Variants in NAALADL2 observed in about 807,000 individuals in gnomAD.
NAALADL2 encodes N-acetylated alpha-linked acidic dipeptidase like 2.
A neutral mutation model predicts 87.2 loss-of-function variants in NAALADL2; 76 were observed. That is an observed-to-expected ratio of 0.87 (90% CI 0.72 to 1.05). NAALADL2 has a LOEUF of 1.05. Ranked by LOEUF, NAALADL2 falls within the 50% of genes least tolerant of loss-of-function variation. The probability of loss-of-function intolerance (pLI) is 0.00; values close to 1 mark genes in which losing one functional copy is unlikely to be tolerated. For synonymous variants in NAALADL2, 354 were observed against 331.0 expected, an observed-to-expected ratio of 1.07 and a Z score of -0.75; for missense variants, 1,089 against 945.8, an observed-to-expected ratio of 1.15 and a Z score of -1.99.
At chr3:175,631,782 G>A (rs1264998019) in intron 11 of NAALADL2, among the ~76,000 whole-genome samples, 1 of 151,722 alleles carries the variant, frequency 6.6e-6, no homozygotes, top group Non-Finnish European at 1.5e-5. Context: ...ATTAAAAATG[G>A]CCATGTATTC....
intron 4 of NAALADL2, among the ~76,000 whole-genome samples, chr3:175,323,584 G>C (rs1176217606): frequency 6.6e-6 from 1 of 151,526 alleles, no homozygotes; most frequent in African/African-American, 2.4e-5. Flanking sequence ...CAGAGAGTGA[G>C]GAATTCCATG....
At chr3:175,242,064 G>C (rs112090550) in intron 3 of NAALADL2, among the ~76,000 whole-genome samples, 1,946 of 151,680 alleles carry the variant, frequency 0.013, 39 homozygotes, top group African/African-American at 0.046. Context: ...GTTTCACCAT[G>C]TTGGCCAGGC....
intron 2 of NAALADL2, among the ~76,000 whole-genome samples, chr3:174,674,339 T>A (rs1377187303): frequency 6.6e-6 from 1 of 151,990 alleles, no homozygotes; most frequent in Non-Finnish European, 1.5e-5. Flanking sequence ...CAACTTGAGA[T>A]TTAGTGGGGA....
At chr3:175,260,078 A>G (rs1750755171) in intron 4 of NAALADL2, among the ~76,000 whole-genome samples, 1 of 152,188 alleles carries the variant, frequency 6.6e-6, no homozygotes, top group Non-Finnish European at 1.5e-5. Flanking sequence ...AATCTTCACC[A>G]GTATATGATG....
chr3:175,325,518 A>G (rs1760600577), intron 5 of NAALADL2, among the ~76,000 whole-genome samples: 1 of 152,126 alleles, frequency 6.6e-6, no homozygotes, highest in African/African-American at 2.4e-5. Flanking sequence ...AAATACACTC[A>G]CTGTCCTGCA....
chr3:175,588,608 G>A (rs1052486791), intron 10 of NAALADL2, among the ~76,000 whole-genome samples: 17 of 134,784 alleles, frequency 1.3e-4, no homozygotes, highest in African/African-American at 3.1e-4. Context: ...GCACGATCTC[G>A]GCTCACTGCA....
intron 5 of NAALADL2, among the ~76,000 whole-genome samples, chr3:175,377,567 A>T (rs1009641351): frequency 6.6e-6 from 1 of 152,184 alleles, no homozygotes; most frequent in Non-Finnish European, 1.5e-5. Flanking sequence ...TTCTAGGCAG[A>T]CAGGGGCCAG....
chr3:175,211,665 C>G (rs1206986649), intron 2 of NAALADL2, among the ~76,000 whole-genome samples: 4 of 151,792 alleles, frequency 2.6e-5, no homozygotes, highest in African/African-American at 9.7e-5. Context: ...GATGTATTCC[C>G]TCATGCTTTC....
intron 4 of NAALADL2, among the ~76,000 whole-genome samples, chr3:175,317,473 C>A (rs1206608911): frequency 6.6e-6 from 1 of 151,842 alleles, no homozygotes; most frequent in Non-Finnish European, 1.5e-5. Flanking sequence ...GCTATTCTTT[C>A]CCAGTTAATT....
At chr3:174,811,735 G>T (rs1385838915) in intron 3 of NAALADL2, among the ~76,000 whole-genome samples, 1 of 152,130 alleles carries the variant, frequency 6.6e-6, no homozygotes, top group Non-Finnish European at 1.5e-5. Context: ...ATGTGAGAAG[G>T]ACATGAGATT....
chr3:175,780,360 A>G (rs911228025), intron 13 of NAALADL2, among the ~76,000 whole-genome samples: 2 of 152,070 alleles, frequency 1.3e-5, no homozygotes, highest in Admixed American at 1.3e-4. Context: ...ACACATGCAC[A>G]CAAACACACA....
intron 5 of NAALADL2, among the ~76,000 whole-genome samples, chr3:175,428,311 G>T (rs1355622901): frequency 1.3e-5 from 2 of 151,946 alleles, no homozygotes; most frequent in South Asian, 2.1e-4. Flanking sequence ...AAACTCCTTT[G>T]GTACATAATG....
At chr3:175,060,928 C>T (rs1307122568) in intron 1 of NAALADL2, among the ~76,000 whole-genome samples, 2 of 152,092 alleles carry the variant, frequency 1.3e-5, no homozygotes, top group African/African-American at 4.8e-5. Flanking sequence ...ATGCGGTAAT[C>T]CCAGCTATTT....
intron 2 of NAALADL2, among the ~76,000 whole-genome samples, chr3:174,726,916 C>A (rs937005755): frequency 6.6e-6 from 1 of 152,074 alleles, no homozygotes; most frequent in Non-Finnish European, 1.5e-5. Context: ...ATGCTAGCCC[C>A]TTTCTGATTC....
chr3:175,595,346 A>G (rs935517937), intron 10 of NAALADL2, among the ~76,000 whole-genome samples: 2 of 151,906 alleles, frequency 1.3e-5, no homozygotes, highest in African/African-American at 4.8e-5. Flanking sequence ...ATTCTGTTCC[A>G]TTGGTCTATG....
intron 2 of NAALADL2, among the ~76,000 whole-genome samples, chr3:175,130,641 T>C (rs1727681939): frequency 6.6e-6 from 1 of 152,200 alleles, no homozygotes; most frequent in African/African-American, 2.4e-5. Flanking sequence ...CTTATCAAAT[T>C]AGTTGAACAC....
chr3:174,888,876 A>G (rs2109776842), intron 1 of NAALADL2, among the ~76,000 whole-genome samples: 1 of 152,346 alleles, frequency 6.6e-6, no homozygotes, highest in African/African-American at 2.4e-5. Flanking sequence ...ACCACAAGTT[A>G]TTACAGTGTT....
At chr3:174,832,743 G>C (rs1369070414) in intron 3 of NAALADL2, among the ~76,000 whole-genome samples, 1 of 152,122 alleles carries the variant, frequency 6.6e-6, no homozygotes, top group Non-Finnish European at 1.5e-5. Context: ...TGGGATTACA[G>C]GCGTGAGCCA....
At chr3:174,691,434 C>CCA (rs755050785) in intron 2 of NAALADL2, among the ~76,000 whole-genome samples, 10 of 121,964 alleles carry the variant, frequency 8.2e-5, no homozygotes, top group Middle Eastern at 4.2e-3. Context: ...TAAATAAAAC[C>CCA]CACAAAAAAA....
Sources: gnomAD v4.1 joint callset for allele counts (sites outside exome capture counted in the v4.1 genomes callset) on GRCh38, gnomAD v4.1.1 for gene constraint, MANE v1.5 for transcripts, NCBI Gene and HGNC (gene_info 2026-07-23, HGNC 2026-07-21) for gene names.